The following PALM variants were observed in gnomAD, a reference collection of about 807,000 sequenced individuals.
PALM encodes the protein paralemmin-1.
Under a neutral mutation model 30.7 loss-of-function variants are expected in PALM, and 18 were observed. That is an observed-to-expected ratio of 0.59 (90% confidence interval 0.41 to 0.87). The LOEUF (loss-of-function observed/expected upper bound fraction) is 0.87, where lower values mean the gene tolerates loss of function less well. Among genes scored for constraint, PALM ranks in the 40% least tolerant of loss-of-function variants. The pLI, the probability that PALM is intolerant of heterozygous loss-of-function variation, is 0.00. For synonymous variants in PALM, 286 were observed against 242.8 expected, an observed-to-expected ratio of 1.18 and a Z score of -1.66; for missense variants, 529 against 555.4, an observed-to-expected ratio of 0.95 and a Z score of 0.48.
At chr19:729,201 C>T (rs1249201702) in intron 4 of PALM, among the ~76,000 whole-genome samples, 1 of 151,026 alleles carries the variant, frequency 6.6e-6, no homozygotes, top group African/African-American at 2.4e-5. Flanking sequence ...TGGCGGGCGC[C>T]TGTAATCCCA....
At chr19:725,019 A>G (rs2032613879) in intron 1 of PALM, among the ~76,000 whole-genome samples, 1 of 151,872 alleles carries the variant, frequency 6.6e-6, no homozygotes, top group Non-Finnish European at 1.5e-5. Flanking sequence ...TCCCGGGTTC[A>G]AGTGATTCTC....
intron 1 of PALM, among the ~76,000 whole-genome samples, chr19:718,074 C>G (rs962042654): frequency 1.3e-5 from 2 of 152,056 alleles, no homozygotes; most frequent in African/African-American, 2.4e-5. Context: ...CCCAGCTACT[C>G]AGGAGGCTGA....
chr19:744,069 CAATCAAACT>C (rs559840505), intron 8 of PALM, among the ~76,000 whole-genome samples: 2 of 152,160 alleles, frequency 1.3e-5, no homozygotes, highest in Non-Finnish European at 2.9e-5. Context: ...CTGTGGCAAT[CAATCAAACT>C]AGGAATTAAA....
At chr19:720,726 C>G (rs2032450347) in intron 1 of PALM, among the ~76,000 whole-genome samples, 1 of 152,134 alleles carries the variant, frequency 6.6e-6, no homozygotes, top group Non-Finnish European at 1.5e-5. Flanking sequence ...TGACATTCCC[C>G]CGCCCTGGCC....
chr19:736,159 G>A (rs968464757), intron 7 of PALM, 81 bp downstream of exon 7: 104 of 926,546 alleles, frequency 1.1e-4, no homozygotes, highest in Middle Eastern at 6.8e-4. Flanking sequence ...CGGGTGGGGC[G>A]GGGGCGACAC....
At chr19:736,158 C>CGGGGGCGGGGGGGGGG in intron 7 of PALM, 80 bp downstream of exon 7, 1 of 500,698 alleles carries the variant, frequency 2.0e-6, no homozygotes, top group Non-Finnish European at 3.8e-6. Context: ...CCGGGTGGGG[C>CGGGGGCGGGGGGGGGG]GGGGGCGACA....
chr19:727,005 C>G lies in PALM; in HGVS notation c.58-3C>G. 1 of 1,533,606 alleles carries G rather than the reference C, an allele frequency of 6.5e-7. No individual in the cohort carries two copies. The highest frequency in any genetic ancestry group is 8.8e-7 in the Non-Finnish European group (1 of 1,132,958). The allele number at this position is 1,533,606 out of a possible 1,614,324, so 95.0% of individuals were successfully genotyped here. A position where few individuals can be genotyped will look rare whatever the true frequency, so the allele number is the denominator to read the frequency against. ...CCCTGACCCCACCCGGCCCTCCCCA[C>G]AGGAGAAGCGGAAGCGGCAGGCGGA... On this transcript the variant is annotated splice_region_variant and splice_polypyrimidine_tract_variant and intron_variant, in intron 2 of 8. Coordinates refer to ENST00000338448, the MANE Select transcript of PALM (RefSeq NM_002579.3).
At chr19:724,695 C>T (rs1005403690) in intron 1 of PALM, among the ~76,000 whole-genome samples, 1 of 152,020 alleles carries the variant, frequency 6.6e-6, no homozygotes, top group Non-Finnish European at 1.5e-5. Flanking sequence ...TGGCTCACTG[C>T]CCCCTGGACC....
At chr19:734,033 C>T in intron 5 of PALM, 140 bp from the exon 6 acceptor site, 1 of 708,874 alleles carries the variant, frequency 1.4e-6, no homozygotes, top group Non-Finnish European at 2.5e-6. Flanking sequence ...TGGCCAGAGT[C>T]CCAAGAGGAT....
intron 8 of PALM, among the ~76,000 whole-genome samples, chr19:745,849 A>G (rs1248264615): frequency 6.6e-6 from 1 of 152,144 alleles, no homozygotes; most frequent in Admixed American, 6.6e-5. Context: ...ACCTGAGGTC[A>G]GGAGTTCGAG....
chr19:746,473 G>T lies in PALM; in HGVS notation c.823G>T (p.Gly275Cys). 1 of 1,609,786 alleles carries T rather than the reference G, an allele frequency of 6.2e-7. No individual in the cohort carries two copies. Among genetic ancestry groups the T allele is most frequent in the Non-Finnish European group, 8.5e-7 (1 of 1,178,248 alleles). Residue 275 changes from glycine to cysteine, a missense_variant, in exon 9 of 9, where the codon GGT (glycine) becomes TGT (cysteine). Gly to Cys is a radical substitution (Grantham distance 159). Transcript: ENST00000338448. The surrounding 1 kb of genome is among the most constrained non-coding windows in gnomAD (Gnocchi z 7.1). ...RTTPSRREIT[G>C]VQAQPGEATS... is the part of the protein sequence containing the mutation. ...CACGCCCTCCCGGCGGGAGATCACCGGTGTGCAGGCACAGCCAGGCGAGGC... is the reference window on the plus strand; with the variant it reads ...CACGCCCTCCCGGCGGGAGATCACCTGTGTGCAGGCACAGCCAGGCGAGGC...
chr19:744,762 C>T (rs111975301), intron 8 of PALM, among the ~76,000 whole-genome samples: 4,458 of 151,266 alleles, frequency 0.029, 220 homozygotes, highest in African/African-American at 0.1. Context: ...GGCATGGTGG[C>T]GGGTGCCTGT....
At position 740,497 on chromosome 19, in the gene PALM, G is replaced by A. The variant is rs1399811919; in HGVS notation, c.634+14G>A. On this transcript the variant is annotated intron_variant, in intron 8 of 8. Transcript: ENST00000338448. ...ACGAGACCAAAGGTACGAGCACCCC[G>A]GCCCCTGCCCTCCCTCCACCTGGGC... 13 of 1,546,142 alleles carry A rather than the reference G, an allele frequency of 8.4e-6. No homozygotes were observed. The highest frequency in any genetic ancestry group is 2.4e-5 in the East Asian group (1 of 40,872).
intron 1 of PALM, among the ~76,000 whole-genome samples, chr19:720,446 G>A (rs1346647450): frequency 6.9e-6 from 1 of 145,496 alleles, no homozygotes; most frequent in Admixed American, 6.8e-5. Flanking sequence ...GGAGGGGCAA[G>A]GGGGGCGCAT....
rs1205192365 is a variant in PALM, at chr19:747,568, A to T, written c.*754A>T. Reference sequence around the variant, plus strand: ...CCCTGCACAGGGCAGGGACCGAGTGAGCCACTCCTTGTCCCGAGCTCCCGC... The same window carrying T: ...CCCTGCACAGGGCAGGGACCGAGTGTGCCACTCCTTGTCCCGAGCTCCCGC... On this transcript the variant is annotated 3_prime_UTR_variant, in exon 9 of 9. Coordinates refer to ENST00000338448, the MANE Select transcript of PALM (RefSeq NM_002579.3). 3 of 152,578 alleles carry T rather than the reference A, an allele frequency of 2.0e-5. No individual in the cohort carries two copies. The highest frequency in any genetic ancestry group is 2.0e-4 in the Admixed American group (3 of 15,272). The allele number at this position is 152,578 out of a possible 1,614,324, so 9.5% of individuals were successfully genotyped here. A position where few individuals can be genotyped will look rare whatever the true frequency, so the allele number is the denominator to read the frequency against.
At position 746,246 on chromosome 19, in the gene PALM, C is replaced by T; in HGVS notation, c.635-39C>T. On this transcript the variant is annotated intron_variant, in intron 8 of 8. Coordinates refer to ENST00000338448, the MANE Select transcript of PALM (RefSeq NM_002579.3). The surrounding 1 kb of genome is among the most constrained non-coding windows in gnomAD (Gnocchi z 7.1). ...CAGGTCACTCTCTCTGTCCCTCCTG[C>T]CTGGAGCTGGGTCATTCTCTCTGTC... 1 of 1,578,076 alleles carries T rather than the reference C, an allele frequency of 6.3e-7. No individual in the cohort carries two copies. The highest frequency in any genetic ancestry group is 8.7e-7 in the Non-Finnish European group (1 of 1,154,998).
intron 8 of PALM, among the ~76,000 whole-genome samples, chr19:743,490 C>G (rs1226588593): frequency 1.3e-5 from 2 of 152,232 alleles, no homozygotes; most frequent in Admixed American, 1.3e-4. Context: ...CACACCCCAC[C>G]CTCTGGGCCT....
chr19:720,157 C>A (rs935919980), intron 1 of PALM, among the ~76,000 whole-genome samples: 1 of 151,948 alleles, frequency 6.6e-6, no homozygotes, highest in African/African-American at 2.4e-5. Context: ...CTCGGCCCCC[C>A]CCAATCCCCC....
At chr19:716,564 C>T (rs569477924) in intron 1 of PALM, among the ~76,000 whole-genome samples, 31 of 152,128 alleles carry the variant, frequency 2.0e-4, no homozygotes, top group Admixed American at 1.6e-3. Context: ...GGCAGAGATG[C>T]GGGACCCTGA....
Sources: gnomAD v4.1 joint callset for allele counts (sites outside exome capture counted in the v4.1 genomes callset) on GRCh38, gnomAD v4.1.1 for gene constraint, Gnocchi (gnomAD v3.1) non-coding constraint, MANE v1.5 for transcripts, NCBI Gene and HGNC (gene_info 2026-07-23, HGNC 2026-07-21) for gene names.